Variants in CSMD1 observed in about 807,000 individuals in gnomAD.
CSMD1 encodes the protein CUB and Sushi multiple domains 1, also known as CUB and sushi domain-containing protein 1.
CSMD1 carries 213 observed loss-of-function variants against 417.5 expected under a neutral mutation model. That is an observed-to-expected ratio of 0.51 (90% CI 0.46 to 0.57). The LOEUF (loss-of-function observed/expected upper bound fraction) is 0.57. Among genes scored for constraint, CSMD1 ranks in the 20% least tolerant of loss-of-function variants. The probability of loss-of-function intolerance (pLI) is 0.00; values close to 1 mark genes in which losing one functional copy is unlikely to be tolerated. For missense variants in CSMD1, 6,923 were observed against 4,529.7 expected (o/e 1.53, Z -15.17); for synonymous variants, 2,862 against 1,736.8 (o/e 1.65, Z -16.11).
intron 5 of CSMD1, among the ~76,000 whole-genome samples, chr8:3,782,478 A>G (rs920681538): frequency 6.6e-6 from 1 of 152,206 alleles, no homozygotes; most frequent in African/African-American, 2.4e-5. Context: ...TAGATAATCT[A>G]ATAAAATCAA....
intron 2 of CSMD1, among the ~76,000 whole-genome samples, chr8:4,424,933 T>C (rs558217017): frequency 6.6e-6 from 1 of 152,150 alleles, no homozygotes; most frequent in South Asian, 2.1e-4. Context: ...ATTGGAAAGG[T>C]TGAGACTGAG....
intron 3 of CSMD1, among the ~76,000 whole-genome samples, chr8:4,046,553 T>C (rs1226417135): frequency 2.0e-5 from 3 of 152,210 alleles, no homozygotes; most frequent in Admixed American, 6.5e-5. Flanking sequence ...GTACATAGTA[T>C]AACTGTGGGC....
chr8:3,565,130 G>GA (rs1245870662), intron 10 of CSMD1, among the ~76,000 whole-genome samples: 1 of 1,674 alleles, frequency 6.0e-4, no homozygotes, highest in Non-Finnish European at 1.1e-3. Flanking sequence ...GTGCAAGACA[G>GA]CAAAAAAAAA....
chr8:3,684,711 C>A (rs2129030295), intron 7 of CSMD1, among the ~76,000 whole-genome samples: 1 of 151,946 alleles, frequency 6.6e-6, no homozygotes, highest in African/African-American at 2.4e-5. Context: ...CATTCTCCTG[C>A]CTCAGCCTCC....
At chr8:3,892,620 T>C (rs1033041684) in intron 5 of CSMD1, among the ~76,000 whole-genome samples, 5 of 151,850 alleles carry the variant, frequency 3.3e-5, no homozygotes, top group African/African-American at 1.2e-4. Flanking sequence ...TTCACTCTGG[T>C]GCACGTCAGT....
At chr8:3,245,242 G>A (rs1415202445) in intron 26 of CSMD1, among the ~76,000 whole-genome samples, 1 of 152,138 alleles carries the variant, frequency 6.6e-6, no homozygotes, top group Non-Finnish European at 1.5e-5. Flanking sequence ...CCTGTCCACA[G>A]CAAACATTCA....
At chr8:4,282,422 C>G (rs1796838348) in intron 3 of CSMD1, among the ~76,000 whole-genome samples, 1 of 152,172 alleles carries the variant, frequency 6.6e-6, no homozygotes, top group Non-Finnish European at 1.5e-5. Context: ...AGGATGTCCT[C>G]TTCTCCAAGC....
chr8:3,465,409 G>T (rs1379897043), intron 12 of CSMD1, among the ~76,000 whole-genome samples: 1 of 152,176 alleles, frequency 6.6e-6, no homozygotes. Flanking sequence ...ACGAGCCCGG[G>T]AATGATGGAG....
chr8:3,983,495 T>C (rs1045767683), intron 5 of CSMD1, among the ~76,000 whole-genome samples: 6 of 152,210 alleles, frequency 3.9e-5, no homozygotes, highest in Admixed American at 1.3e-4. Context: ...GAGGAAAATA[T>C]ACTTACAGGA....
intron 7 of CSMD1, among the ~76,000 whole-genome samples, chr8:3,617,603 C>T (rs999026179): frequency 6.6e-6 from 1 of 152,150 alleles, no homozygotes; most frequent in Admixed American, 6.5e-5. Context: ...ATCTATTTTA[C>T]TCTGAAAATT....
At chr8:3,846,084 G>A (rs1264916794) in intron 5 of CSMD1, among the ~76,000 whole-genome samples, 1 of 137,542 alleles carries the variant, frequency 7.3e-6, no homozygotes, top group Non-Finnish European at 1.6e-5. Context: ...ATAAGCAGCA[G>A]TAGACTTCTA....
intron 3 of CSMD1, among the ~76,000 whole-genome samples, chr8:4,343,360 G>C (rs904536122): frequency 6.6e-6 from 1 of 152,024 alleles, no homozygotes; most frequent in Admixed American, 6.6e-5. Flanking sequence ...ATAGAACAGT[G>C]TGACTGAATT....
intron 7 of CSMD1, among the ~76,000 whole-genome samples, chr8:3,655,884 A>C (rs1024570772): frequency 2.6e-5 from 4 of 152,136 alleles, no homozygotes; most frequent in African/African-American, 9.7e-5. Flanking sequence ...AAAGAATAGA[A>C]CATGCAAGAC....
intron 6 of CSMD1, among the ~76,000 whole-genome samples, chr8:3,750,850 C>A (rs1399795392): frequency 6.6e-6 from 1 of 152,168 alleles, no homozygotes. Flanking sequence ...GCAACAGCAA[C>A]CATACTGGAG....
chr8:4,147,053 C>A (rs140298886), intron 3 of CSMD1, among the ~76,000 whole-genome samples: 20 of 152,000 alleles, frequency 1.3e-4, no homozygotes, highest in Admixed American at 6.6e-4. Context: ...GCTTTTCCTT[C>A]ACCCTCCTGC....
intron 5 of CSMD1, among the ~76,000 whole-genome samples, chr8:3,892,206 A>G (rs529750502): frequency 1.1e-4 from 16 of 152,292 alleles, no homozygotes; most frequent in Admixed American, 3.3e-4. Flanking sequence ...GCCCTATTTT[A>G]CAAGGTTAAA....
chr8:4,061,025 C>A (rs865808568), intron 3 of CSMD1, among the ~76,000 whole-genome samples: 1 of 151,628 alleles, frequency 6.6e-6, no homozygotes, highest in Non-Finnish European at 1.5e-5. Context: ...TTTCACAATA[C>A]CCATTGTGAT....
chr8:3,367,130 T>C lies in CSMD1; in HGVS notation c.3017A>G (p.His1006Arg), dbSNP rs1383114860. 1 of 1,613,730 alleles carries C rather than the reference T, an allele frequency of 6.2e-7. No homozygotes were observed. The highest frequency in any genetic ancestry group is 1.7e-5 in the Admixed American group (1 of 59,998). ...VARLTGSVLP[H>R]TIKAGLFGNF... The stretch of plus-strand genomic sequence containing the variant: ...TCCAAACAGGCCTGCCTTGATCGTA[T>C]GAGGCAACACCGACCCGGTGAGCCT... The change falls in exon 20 of 70, where the codon CAT becomes CGT. Residue 1006 changes from histidine to arginine, a missense_variant. By Grantham distance (29) the His-to-Arg change is conservative. Coordinates refer to ENST00000635120, the MANE Select transcript of CSMD1 (RefSeq NM_033225.6).
chr8:3,973,511 T>C (rs1463823532), intron 5 of CSMD1, among the ~76,000 whole-genome samples: 1 of 152,194 alleles, frequency 6.6e-6, no homozygotes, highest in African/African-American at 2.4e-5. Context: ...CAACAAATCA[T>C]TCTGGTATAA....
Sources: gnomAD v4.1 joint callset for allele counts (sites outside exome capture counted in the v4.1 genomes callset) on GRCh38, gnomAD v4.1.1 for gene constraint, MANE v1.5 for transcripts, NCBI Gene and HGNC (gene_info 2026-07-23, HGNC 2026-07-21) for gene names.